SUMO3: variants seen among roughly 807,000 people sequenced by gnomAD.
The protein encoded by SUMO3 is small ubiquitin-related modifier 3.
Under a neutral mutation model 11.1 loss-of-function variants are expected in SUMO3, and 2 were observed. The ratio of observed to expected loss-of-function variants is 0.18; its 90% confidence interval spans 0.07 to 0.57. SUMO3 has a LOEUF of 0.57. Among genes scored for constraint, SUMO3 ranks in the 20% least tolerant of loss-of-function variants. SUMO3 has a pLI of 0.92. For missense variants in SUMO3, 70 were observed against 132.8 expected (o/e 0.53, Z 2.32); for synonymous variants, 56 against 53.5 (o/e 1.05, Z -0.20).
rs1406924079 is a variant in SUMO3 at position 44,807,005 on chromosome 21, G to A, written c.258C>T (p.Phe86=). 1.2e-6 allele frequency: 2 copies of A among 1,614,066 alleles called. No homozygotes were observed. Among genetic ancestry groups the A allele is most frequent in the East Asian group, 2.2e-5 (1 of 44,872 alleles). ...CCGGCACACCTCCCGTCTGCTGCTGGAACACGTCGATGGTGTCCTCGTCCT... is the reference window on the plus strand; with the variant it reads ...CCGGCACACCTCCCGTCTGCTGCTGAAACACGTCGATGGTGTCCTCGTCCT... ...EMEDEDTIDV[F]QQQTGGVPES... Residue 86 remains phenylalanine, a synonymous_variant, in exon 4 of 4, where the codon TTC becomes TTT. Transcript: ENST00000332859. The surrounding 1 kb of genome is among the most constrained non-coding windows in gnomAD (Gnocchi z 4.3).
Position 44,807,161 on chromosome 21 carries a change from C to A in SUMO3, c.223-121G>T. 8.0e-7 allele frequency: 1 copy of A among 1,251,266 alleles called. No homozygotes were observed. Among genetic ancestry groups the A allele is most frequent in the Non-Finnish European group, 1.1e-6 (1 of 905,386 alleles). The allele number at this position is 1,251,266 out of a possible 1,614,324, so 77.5% of individuals were successfully genotyped here. ...TGACACTAGCGACATCACCTGGTCA[C>A]ACCTTGGCTCTTGTCCGTCCCCTCA... On this transcript the variant is annotated intron_variant, in intron 3 of 3. Coordinates refer to ENST00000332859, the MANE Select transcript of SUMO3 (RefSeq NM_006936.3). This position sits in a 1 kb window ranked among gnomAD's most constrained non-coding sequence, Gnocchi z 4.3.
chr21:44,805,631 C>T lies in SUMO3; in HGVS notation c.*1320G>A, dbSNP rs1471406493. The T allele has an allele frequency of 6.6e-6, 1 of 152,616 alleles. No homozygotes were observed. The highest frequency in any genetic ancestry group is 1.5e-5 in the Non-Finnish European group (1 of 68,046). The allele number at this position is 152,616 out of a possible 1,614,324, so 9.5% of individuals were successfully genotyped here. On this transcript the variant is annotated 3_prime_UTR_variant, in exon 4 of 4. Coordinates refer to ENST00000332859, the MANE Select transcript of SUMO3 (RefSeq NM_006936.3). ...AGAAGCCAAGAGACAGAATACCAAA[C>T]TATATTTACTGTTTACAGTAGTAAA...
intron 3 of SUMO3, among the ~76,000 whole-genome samples, chr21:44,808,759 G>A (rs1251654634): frequency 6.6e-6 from 1 of 152,220 alleles, no homozygotes; most frequent in Non-Finnish European, 1.5e-5. Flanking sequence ...TCCAGACAAT[G>A]AGTGGGAAGG....
chr21:44,810,585 C>T lies in SUMO3; in HGVS notation c.151-1467G>A, dbSNP rs754192551. ...GAAAGCGCGTGCCCTCAACACTGTG[C>T]GCCAAGTCCCCTCTCCCCTCCAGAT... On this transcript the variant is annotated intron_variant, in intron 2 of 3. Coordinates refer to ENST00000332859, the MANE Select transcript of SUMO3 (RefSeq NM_006936.3). The surrounding 1 kb of genome is among the most constrained non-coding windows in gnomAD (Gnocchi z 4.1). 1.5e-4 allele frequency among the ~76,000 whole-genome samples: 23 copies of T among 152,334 alleles called. No individual in the cohort carries two copies. In the East Asian group the frequency reaches 1.9e-3, roughly 13 times the overall value.
chr21:44,807,303 G>A lies in SUMO3; in HGVS notation c.223-263C>T, dbSNP rs1044642476. On this transcript the variant is annotated intron_variant, in intron 3 of 3. Transcript: ENST00000332859. The surrounding 1 kb of genome is among the most constrained non-coding windows in gnomAD (Gnocchi z 4.3). Reference sequence around the variant, plus strand: ...CAGATTCAAAGCTAAAATGTTAACTGAGAGAAAAACTGAGTCTAGAAGATA... The same window carrying A: ...CAGATTCAAAGCTAAAATGTTAACTAAGAGAAAAACTGAGTCTAGAAGATA... 4.4e-4 allele frequency among the ~76,000 whole-genome samples: 67 copies of A among 152,142 alleles called. No homozygotes were observed. Among genetic ancestry groups the A allele is most frequent in the African/African-American group, 1.6e-3 (65 of 41,420 alleles).
At chr21:44,816,591 C>T (rs2083244714) in intron 1 of SUMO3, among the ~76,000 whole-genome samples, 1 of 152,194 alleles carries the variant, frequency 6.6e-6, no homozygotes, top group African/African-American at 2.4e-5. Context: ...TCATCTTCCA[C>T]TGGGATGTAA....
At position 44,810,837 on chromosome 21, in the gene SUMO3, T is replaced by C. The variant is rs2838695; in HGVS notation, c.151-1719A>G. 0.79 allele frequency among the ~76,000 whole-genome samples: 119,665 copies of C among 151,940 alleles called. 47,734 individuals are homozygous for C. The highest frequency in any genetic ancestry group is 0.92 in the African/African-American group (38,275 of 41,476). The stretch of plus-strand genomic sequence containing the variant: ...GGGAAAGGCTCACTGTGCAGCAGCC[T>C]AGAGAGGAGGGGAGGAGCGCAGAGG... On this transcript the variant is annotated intron_variant, in intron 2 of 3. Coordinates refer to ENST00000332859, the MANE Select transcript of SUMO3 (RefSeq NM_006936.3). The surrounding 1 kb of genome is among the most constrained non-coding windows in gnomAD (Gnocchi z 4.1).
intron 2 of SUMO3, among the ~76,000 whole-genome samples, chr21:44,809,880 C>T (rs1296838319): frequency 6.6e-6 from 1 of 152,182 alleles, no homozygotes; most frequent in East Asian, 1.9e-4. Flanking sequence ...CTGACCTGTC[C>T]TGGGTCATCC....
At chr21:44,816,822 G>C (rs544049530) in intron 1 of SUMO3, among the ~76,000 whole-genome samples, 20 of 151,166 alleles carry the variant, frequency 1.3e-4, no homozygotes, top group Non-Finnish European at 2.5e-4. Flanking sequence ...CGCGCATGGT[G>C]GGGGAGGCGC....
At chr21:44,812,032 A>G (rs549283674) in intron 2 of SUMO3, among the ~76,000 whole-genome samples, 24 of 148,984 alleles carry the variant, frequency 1.6e-4, no homozygotes, top group Non-Finnish European at 3.1e-4. Flanking sequence ...ACAGAGAATC[A>G]GAATCCACTG....
Position 44,806,673 on chromosome 21 carries a change from GA to G in SUMO3, c.*277del, listed in dbSNP as rs1401768607. The G allele has an allele frequency of 3.0e-6, 2 of 669,408 alleles. No individual in the cohort carries two copies. Among genetic ancestry groups the G allele is most frequent in the South Asian group, 2.3e-5 (1 of 43,546 alleles). 41.5% of individuals were successfully genotyped at this position (669,408 alleles called of 1,614,324 possible). On this transcript the variant is annotated 3_prime_UTR_variant, in exon 4 of 4. Transcript: ENST00000332859. Reference sequence around the variant, plus strand: ...TTTTGGGGTTAAAAAAATGTTGTAGGAGGGGGGGAAAACACAAATGAGCACA... The same window carrying G: ...TTTTGGGGTTAAAAAAATGTTGTAGGGGGGGGGAAAACACAAATGAGCACA...
In SUMO3 at chr21:44,810,974, G is replaced by A. The variant is rs1250175746; in HGVS notation, c.151-1856C>T. Among the ~76,000 whole-genome samples, 1 of 124,902 alleles carries A rather than the reference G, an allele frequency of 8.0e-6. No individual in the cohort carries two copies. Among genetic ancestry groups the A allele is most frequent in the Admixed American group, 7.7e-5 (1 of 12,982 alleles). 81.9% of individuals were successfully genotyped at this position (124,902 alleles called of 152,430 possible). A position where few individuals can be genotyped will look rare whatever the true frequency, so the allele number is the denominator to read the frequency against. On this transcript the variant is annotated intron_variant, in intron 2 of 3. Transcript: ENST00000332859. The surrounding 1 kb of genome is among the most constrained non-coding windows in gnomAD (Gnocchi z 4.1). Reference sequence around the variant, plus strand: ...CACACACCCACACATGCACACCCATGCACACACCCATGCACACACCCACAC... The same window carrying A: ...CACACACCCACACATGCACACCCATACACACACCCATGCACACACCCACAC...
In SUMO3 at chr21:44,806,688, C is replaced by A; in HGVS notation, c.*263G>T. 1.2e-6 allele frequency: 1 copy of A among 826,638 alleles called. No homozygotes were observed. Among genetic ancestry groups the A allele is most frequent in the Non-Finnish European group, 1.7e-6 (1 of 584,100 alleles). 51.2% of individuals were successfully genotyped at this position (826,638 alleles called of 1,614,324 possible). On this transcript the variant is annotated 3_prime_UTR_variant, in exon 4 of 4. Transcript: ENST00000332859. ...AATGTTGTAGGAGGGGGGGAAAACA[C>A]AAATGAGCACACAAAAGTACCCACA...
rs1254627647 is a variant in SUMO3, at chr21:44,811,000, A to G, written c.151-1882T>C. Among the ~76,000 whole-genome samples, 1 of 136,026 alleles carries G rather than the reference A, an allele frequency of 7.4e-6. No homozygotes were observed. The highest frequency in any genetic ancestry group is 3.2e-5 in the African/African-American group (1 of 31,304). The allele number at this position is 136,026 out of a possible 152,430, so 89.2% of individuals were successfully genotyped here. On this transcript the variant is annotated intron_variant, in intron 2 of 3. Transcript: ENST00000332859. The surrounding 1 kb of genome is among the most constrained non-coding windows in gnomAD (Gnocchi z 4.1). ...CACACACCCATGCACACACCCACAC[A>G]TGCACACACCCACATATGCACACAC...
intron 3 of SUMO3, chr21:44,808,714 G>A (rs1303577699): frequency 1.6e-6 from 2 of 1,263,382 alleles, no homozygotes; most frequent in Non-Finnish European, 2.1e-6. Flanking sequence ...AATCCAGCTG[G>A]CCCCTAAGCT....
chr21:44,810,019 C>T lies in SUMO3; in HGVS notation c.151-901G>A, dbSNP rs912958041. On this transcript the variant is annotated intron_variant, in intron 2 of 3. Transcript: ENST00000332859. This position sits in a 1 kb window ranked among gnomAD's most constrained non-coding sequence, Gnocchi z 4.1. ...GACAGATAAGAAGGCTGCATGAGGC[C>T]GGGGAGCAGTTACCACCATGACTTT... Among the ~76,000 whole-genome samples the T allele has an allele frequency of 5.3e-5, 8 of 152,250 alleles. No homozygotes were observed. Among genetic ancestry groups the T allele is most frequent in the South Asian group, 2.1e-4 (1 of 4,828 alleles).
Position 44,806,613 on chromosome 21 carries a change from C to T in SUMO3, c.*338G>A, listed in dbSNP as rs1569306629. On this transcript the variant is annotated 3_prime_UTR_variant, in exon 4 of 4. Transcript: ENST00000332859. ...AGGCAACCAACTCAGGAGTCAGATC[C>T]CTGGCCAGACTAAAAGCGAACATTC... 8.9e-6 allele frequency: 3 copies of T among 336,032 alleles called. No homozygotes were observed. The highest frequency in any genetic ancestry group is 1.1e-5 in the Non-Finnish European group (2 of 183,154). The allele number at this position is 336,032 out of a possible 1,614,324, so 20.8% of individuals were successfully genotyped here.
chr21:44,808,590 C>T (rs2083192628), intron 3 of SUMO3: 1 of 1,374,744 alleles, frequency 7.3e-7, no homozygotes, highest in Non-Finnish European at 9.5e-7. Context: ...TAGATGAAAT[C>T]TCATTCATGT....
Position 44,807,211 on chromosome 21 carries a change from G to C in SUMO3, c.223-171C>G. Among the ~76,000 whole-genome samples, 1 of 152,166 alleles carries C rather than the reference G, an allele frequency of 6.6e-6. No individual in the cohort carries two copies. The highest frequency in any genetic ancestry group is 2.4e-5 in the African/African-American group (1 of 41,420). ...ACTGCAGCTCAGCACGCATGGAAGA[G>C]GCATTGCTGTATGCTCACTACAGCC... On this transcript the variant is annotated intron_variant, in intron 3 of 3. Coordinates refer to ENST00000332859, the MANE Select transcript of SUMO3 (RefSeq NM_006936.3). This position sits in a 1 kb window ranked among gnomAD's most constrained non-coding sequence, Gnocchi z 4.3.
Sources: allele counts gnomAD v4.1 joint callset (sites outside exome capture counted in the v4.1 genomes callset), GRCh38; gene constraint gnomAD v4.1.1; non-coding constraint Gnocchi (gnomAD v3.1); transcripts MANE v1.5; gene names NCBI Gene and HGNC (gene_info 2026-07-23, HGNC 2026-07-21).